Variants in ACER2 observed in about 807,000 individuals in gnomAD.
ACER2 encodes the protein alkCDase 2.
In ACER2, 26 loss-of-function variants were observed where a neutral mutation model predicts 34.7. The ratio of observed to expected loss-of-function variants is 0.75; its 90% CI spans 0.55 to 1.04. The LOEUF is 1.04. ACER2 is among the 50% of genes least tolerant of loss of function. The pLI, the probability that ACER2 is intolerant of heterozygous loss-of-function variation, is 0.00. For missense variants in ACER2, 352 were observed against 340.8 expected (o/e 1.03, Z -0.26); for synonymous variants, 138 against 132.1 (o/e 1.04, Z -0.31).
At chr9:19,433,151 T>TC (rs746129883) in intron 3 of ACER2, among the ~76,000 whole-genome samples, 3 of 4,138 alleles carry the variant, frequency 7.2e-4, no homozygotes, top group Non-Finnish European at 4.6e-3. Context: ...GTGAGTGGCT[T>TC]TTTTTTTTTT....
intron 4 of ACER2, among the ~76,000 whole-genome samples, chr9:19,439,890 C>G (rs936272016): frequency 3.3e-5 from 5 of 152,162 alleles, no homozygotes; most frequent in Non-Finnish European, 5.9e-5. Context: ...TCACTTGAAT[C>G]CAGGAGGCGG....
chr9:19,409,736 C>G, intron 1 of ACER2: 4 of 985,156 alleles, frequency 4.1e-6, no homozygotes, highest in Non-Finnish European at 4.8e-6. Flanking sequence ...TGGTCAGAAT[C>G]AAGTTAATTA....
intron 1 of ACER2, among the ~76,000 whole-genome samples, chr9:19,418,371 C>T (rs1830298632): frequency 6.6e-6 from 1 of 152,180 alleles, no homozygotes; most frequent in African/African-American, 2.4e-5. Flanking sequence ...GATTATAAAT[C>T]ATTCTACTAT....
At chr9:19,424,164 C>T (rs562852215) in intron 2 of ACER2, among the ~76,000 whole-genome samples, 188 bp downstream of exon 2, 1 of 152,306 alleles carries the variant, frequency 6.6e-6, no homozygotes, top group African/African-American at 2.4e-5. Flanking sequence ...ATTACTGTCA[C>T]TTGCGTGCAT....
At chr9:19,414,701 G>C (rs1236055964) in intron 1 of ACER2, among the ~76,000 whole-genome samples, 1 of 152,150 alleles carries the variant, frequency 6.6e-6, no homozygotes, top group African/African-American at 2.4e-5. Context: ...TACTCAGGAG[G>C]CTGAGATCAA....
At position 19,424,840 on chromosome 9, in the gene ACER2, C is replaced by A. The variant is rs201757927; in HGVS notation, c.364C>A (p.Arg122=). Residue 122 remains arginine (R), a splice_region_variant and synonymous_variant, in exon 3 of 6, where the codon CGG becomes AGG. Coordinates refer to ENST00000340967, the MANE Select transcript of ACER2 (RefSeq NM_001010887.3). ...RYLPKIFRND[R]GRFKVVVSVL... is the part of the protein sequence containing the mutation. ...TCTACCAAAGATCTTTCGGAATGAC[C>A]GGTAAGCTTGCACTAAACATTATTG... The A allele has an allele frequency of 6.2e-7, 1 of 1,614,070 alleles. No homozygotes were observed. Among genetic ancestry groups the A allele is most frequent in the East Asian group, 2.2e-5 (1 of 44,884 alleles).
intron 3 of ACER2, among the ~76,000 whole-genome samples, chr9:19,434,403 T>C (rs1182041748): frequency 6.6e-6 from 1 of 152,112 alleles, no homozygotes; most frequent in Non-Finnish European, 1.5e-5. Context: ...TCTCGGCACT[T>C]TGGGAGGCCA....
At chr9:19,449,303 C>G (rs1486154080) in intron 5 of ACER2, among the ~76,000 whole-genome samples, 1 of 152,194 alleles carries the variant, frequency 6.6e-6, no homozygotes, top group African/African-American at 2.4e-5. Context: ...CCATAACTAT[C>G]AACACGAGGC....
chr9:19,448,251 A>C, intron 5 of ACER2, among the ~76,000 whole-genome samples: 1 of 152,136 alleles, frequency 6.6e-6, no homozygotes, highest in Non-Finnish European at 1.5e-5. Flanking sequence ...GGGCTCGAGC[A>C]GGTCCACCTG....
chr9:19,440,912 C>A (rs145224699), intron 4 of ACER2, among the ~76,000 whole-genome samples: 1 of 152,326 alleles, frequency 6.6e-6, no homozygotes, highest in East Asian at 1.9e-4. Flanking sequence ...TCTGCCTTTT[C>A]TAGCTCTGAT....
chr9:19,436,559 G>C (rs1484487281), intron 4 of ACER2, among the ~76,000 whole-genome samples: 1 of 420 alleles, frequency 2.4e-3, no homozygotes, highest in African/African-American at 8.3e-3. Context: ...AAATCTAGCT[G>C]TATTTTTTTT....
intron 3 of ACER2, among the ~76,000 whole-genome samples, chr9:19,431,747 C>A (rs572614103): frequency 1.3e-5 from 2 of 152,304 alleles, no homozygotes; most frequent in South Asian, 2.1e-4. Context: ...AGCTATAATT[C>A]CTGTTCATTC....
chr9:19,442,328 C>T (rs988291003), intron 4 of ACER2, among the ~76,000 whole-genome samples: 8 of 152,296 alleles, frequency 5.3e-5, no homozygotes, highest in Non-Finnish European at 1.2e-4. Context: ...GATTTTTGTC[C>T]GCCCTTTTTC....
At chr9:19,421,037 A>G (rs1262575413) in intron 1 of ACER2, among the ~76,000 whole-genome samples, 4 of 152,210 alleles carry the variant, frequency 2.6e-5, no homozygotes, top group South Asian at 4.1e-4. Flanking sequence ...CACCCAGGCC[A>G]TATGGTATGG....
At chr9:19,420,708 A>G (rs879760078) in intron 1 of ACER2, among the ~76,000 whole-genome samples, 1 of 152,198 alleles carries the variant, frequency 6.6e-6, no homozygotes, top group Non-Finnish European at 1.5e-5. Flanking sequence ...GGTAATTTAT[A>G]ATAACAGAAA....
intron 1 of ACER2, among the ~76,000 whole-genome samples, chr9:19,420,641 G>A (rs1429034558): frequency 6.6e-6 from 1 of 152,172 alleles, no homozygotes; most frequent in Non-Finnish European, 1.5e-5. Context: ...AATGGAATTA[G>A]TACACCAGCT....
chr9:19,428,122 T>C (rs1314471082), intron 3 of ACER2, among the ~76,000 whole-genome samples: 1 of 150,928 alleles, frequency 6.6e-6, no homozygotes, highest in Admixed American at 6.7e-5. Flanking sequence ...TTCTTTTCTT[T>C]TTTTCTTGAT....
chr9:19,417,902 A>G (rs896526492), intron 1 of ACER2, among the ~76,000 whole-genome samples: 2 of 152,210 alleles, frequency 1.3e-5, no homozygotes, highest in Admixed American at 6.5e-5. Context: ...AAAAGAAACT[A>G]TCATCAGGTT....
intron 5 of ACER2, among the ~76,000 whole-genome samples, chr9:19,447,282 T>C (rs749880344): frequency 2.0e-5 from 3 of 152,302 alleles, no homozygotes; most frequent in Non-Finnish European, 4.4e-5. Flanking sequence ...TAGATCTAGA[T>C]TCAGGAAAAG....
Sources: allele counts gnomAD v4.1 joint callset (sites outside exome capture counted in the v4.1 genomes callset), GRCh38; gene constraint gnomAD v4.1.1; transcripts MANE v1.5; gene names NCBI Gene and HGNC (gene_info 2026-07-23, HGNC 2026-07-21).